The following BTBD1 variants were observed in gnomAD, a reference collection of about 807,000 sequenced individuals.
BTBD1 encodes the protein BTB/POZ domain-containing protein 1.
In BTBD1, 34 loss-of-function variants were observed where a neutral mutation model predicts 48.0. That is an observed-to-expected ratio of 0.71 (90% CI 0.54 to 0.94). The LOEUF is 0.94. BTBD1 is among the 40% of genes least tolerant of loss of function. BTBD1 has a pLI of 0.00. For synonymous variants in BTBD1, 261 were observed against 242.1 expected (o/e 1.08, Z -0.72); for missense variants, 543 against 625.6 (o/e 0.87, Z 1.41).
Position 83,018,034 on chromosome 15 carries a change from TATTA to T in BTBD1, c.*29_*32del, listed in dbSNP as rs1305097737. On this transcript the variant is annotated 3_prime_UTR_variant, in exon 8 of 8. Transcript: ENST00000261721. ...ATGTTTTTGACACTAGATTGTATGG[TATTA>T]TTTAGCCAAGATGTATTATAATGCT... 6.7e-7 allele frequency: 1 copy of T among 1,484,666 alleles called. No homozygotes were observed. The highest frequency in any genetic ancestry group is 1.4e-5 in the African/African-American group (1 of 71,548). The allele number at this position is 1,484,666 out of a possible 1,614,324, so 92.0% of individuals were successfully genotyped here. A position where few individuals can be genotyped will look rare whatever the true frequency, so the allele number is the denominator to read the frequency against.
intron 4 of BTBD1, 22 bp from the exon 5 acceptor site, chr15:83,030,350 C>A (rs374731662): frequency 2.5e-6 from 4 of 1,574,828 alleles, no homozygotes; most frequent in Non-Finnish European, 1.7e-6. Context: ...AAAACATAAG[C>A]CTAAAAAAAG....
At chr15:83,050,218 A>G (rs2151310205) in intron 2 of BTBD1, 40 bp from the exon 3 acceptor site, 2 of 1,335,986 alleles carry the variant, frequency 1.5e-6, no homozygotes, top group Non-Finnish European at 2.1e-6. Flanking sequence ...TTTCATAGTT[A>G]TTTTACCTTC....
chr15:83,050,263 G>C, intron 2 of BTBD1, 85 bp from the exon 3 acceptor site: 3 of 700,210 alleles, frequency 4.3e-6, no homozygotes, highest in Non-Finnish European at 4.6e-6. Flanking sequence ...ATTGTCAACA[G>C]TTATAATTGC....
chr15:83,044,445 G>C, intron 3 of BTBD1: 3 of 1,575,700 alleles, frequency 1.9e-6, no homozygotes, highest in Non-Finnish European at 2.6e-6. Context: ...TGAAGGAGGA[G>C]GAGTGGGAAC....
chr15:83,038,233 C>G (rs1029085365), intron 4 of BTBD1, among the ~76,000 whole-genome samples: 4 of 152,122 alleles, frequency 2.6e-5, no homozygotes, highest in Non-Finnish European at 5.9e-5. Flanking sequence ...TGAATGCAAT[C>G]CCATTTACCA....
At position 83,033,914 on chromosome 15, in the gene BTBD1, A is replaced by T. The variant is rs141537656; in HGVS notation, c.863-3586T>A. 2.0e-3 allele frequency among the ~76,000 whole-genome samples: 300 copies of T among 152,084 alleles called. 2 individuals are homozygous for T. The highest frequency in any genetic ancestry group is 6.9e-3 in the African/African-American group (287 of 41,528). On this transcript the variant is annotated intron_variant, in intron 4 of 7. Coordinates refer to ENST00000261721, the MANE Select transcript of BTBD1 (RefSeq NM_025238.4). ...ATTTTTAAGATTTAATTTAAAAATC[A>T]ATAAGGATATATTCTTGTAATAACA...
At chr15:83,030,110 C>G (rs764721070) in intron 5 of BTBD1, 26 bp downstream of exon 5, 2 of 1,608,066 alleles carry the variant, frequency 1.2e-6, no homozygotes, top group Non-Finnish European at 1.7e-6. Context: ...CCCACTCTAC[C>G]CCCGCATCCC....
At chr15:83,035,156 T>C (rs2032600504) in intron 4 of BTBD1, among the ~76,000 whole-genome samples, 1 of 152,036 alleles carries the variant, frequency 6.6e-6, no homozygotes, top group South Asian at 2.1e-4. Context: ...TAGCCGAGCG[T>C]GGCACCGCAT....
chr15:83,039,775 C>T (rs979352861), intron 4 of BTBD1, among the ~76,000 whole-genome samples: 25 of 107,770 alleles, frequency 2.3e-4, no homozygotes, highest in African/African-American at 8.5e-4. Flanking sequence ...GAGGCTCTGT[C>T]TCAAAAAAAA....
chr15:83,056,057 G>A (rs1036657453), intron 2 of BTBD1, among the ~76,000 whole-genome samples: 15 of 151,498 alleles, frequency 9.9e-5, no homozygotes, highest in Admixed American at 2.0e-4. Flanking sequence ...TTACAAGCCC[G>A]CGCCACCACA....
chr15:83,060,686 C>G (rs183344071), intron 1 of BTBD1, among the ~76,000 whole-genome samples: 194 of 152,084 alleles, frequency 1.3e-3, no homozygotes, highest in African/African-American at 4.4e-3. Flanking sequence ...CCCAGCTATT[C>G]GGGAGGCTAA....
chr15:83,040,449 T>A (rs1488377164), intron 4 of BTBD1, among the ~76,000 whole-genome samples: 1 of 152,134 alleles, frequency 6.6e-6, no homozygotes, highest in Non-Finnish European at 1.5e-5. Context: ...ATGCCTATAA[T>A]CCCAGCACTT....
intron 4 of BTBD1, among the ~76,000 whole-genome samples, chr15:83,031,399 C>T (rs915107371): frequency 6.6e-6 from 1 of 152,156 alleles, no homozygotes; most frequent in Admixed American, 6.6e-5. Context: ...CAATGATAGA[C>T]TGGATTAAGA....
At chr15:83,040,009 A>ACC (rs895865028) in intron 4 of BTBD1, among the ~76,000 whole-genome samples, 1 of 150,272 alleles carries the variant, frequency 6.7e-6, no homozygotes, top group Non-Finnish European at 1.5e-5. Context: ...ACACACACAC[A>ACC]CACACACGGA....
chr15:83,016,558 T>TCA lies in BTBD1; in HGVS notation c.*1508_*1509insTG, dbSNP rs2032169291. On this transcript the variant is annotated 3_prime_UTR_variant, in exon 8 of 8. Coordinates refer to ENST00000261721, the MANE Select transcript of BTBD1 (RefSeq NM_025238.4). ...TTGTTCAGTACAACAGATGAGGCAT[T>TCA]TAAAAGGTCTCCAACGTCAAGAAAC... 6.9e-6 allele frequency: 1 copy of TCA among 145,004 alleles called. No individual in the cohort carries two copies. Among genetic ancestry groups the TCA allele is most frequent in the Admixed American group, 7.0e-5 (1 of 14,248 alleles). The allele number at this position is 145,004 out of a possible 1,614,324, so 9.0% of individuals were successfully genotyped here.
At chr15:83,055,078 A>G (rs115850522) in intron 2 of BTBD1, among the ~76,000 whole-genome samples, 1,784 of 152,322 alleles carry the variant, frequency 0.012, 42 homozygotes, top group African/African-American at 0.041. Context: ...AGAATTTTAA[A>G]AACAATTTTT....
intron 3 of BTBD1, chr15:83,044,645 G>A: frequency 1.3e-6 from 2 of 1,539,502 alleles, no homozygotes; most frequent in Non-Finnish European, 8.9e-7. Context: ...ATGGTGCATT[G>A]GTTCAGCATC....
chr15:83,041,717 T>C lies in BTBD1; in HGVS notation c.862+11A>G, dbSNP rs534536486. ...AGTTTCAAATAGATTTTGGTGAATT[T>C]ATACCCTTACCTGCTGCAAATTCCT... On this transcript the variant is annotated intron_variant, in intron 4 of 7. Transcript: ENST00000261721. 1 of 1,613,176 alleles carries C rather than the reference T, an allele frequency of 6.2e-7. No individual in the cohort carries two copies. Among genetic ancestry groups the C allele is most frequent in the East Asian group, 2.2e-5 (1 of 44,884 alleles).
chr15:83,023,190 A>G (rs1389517885), intron 5 of BTBD1, among the ~76,000 whole-genome samples: 2 of 152,164 alleles, frequency 1.3e-5, no homozygotes, highest in African/African-American at 2.4e-5. Context: ...AATGGTTAAA[A>G]AAACTACCAA....
Sources: gnomAD v4.1 joint callset for allele counts (sites outside exome capture counted in the v4.1 genomes callset) on GRCh38, gnomAD v4.1.1 for gene constraint, MANE v1.5 for transcripts, NCBI Gene and HGNC (gene_info 2026-07-23, HGNC 2026-07-21) for gene names.